Variants in AFG1L observed in about 807,000 individuals in gnomAD.
The protein encoded by AFG1L is AFG1-like ATPase.
AFG1L carries 53 observed loss-of-function variants against 62.2 expected under a neutral mutation model. That is an observed-to-expected ratio of 0.85 (90% CI 0.68 to 1.07). The LOEUF (loss-of-function observed/expected upper bound fraction) is 1.07, where lower values mean the gene tolerates loss of function less well. Ranked by LOEUF, AFG1L falls within the 50% of genes least tolerant of loss-of-function variation. The pLI, the probability that AFG1L is intolerant of heterozygous loss-of-function variation, is 0.00. For missense variants in AFG1L, 555 were observed against 590.5 expected, an observed-to-expected ratio of 0.94 and a Z score of 0.62; for synonymous variants, 228 against 210.3, an observed-to-expected ratio of 1.08 and a Z score of -0.73.
At chr6:108,517,752 C>T (rs918799968) in intron 11 of AFG1L, among the ~76,000 whole-genome samples, 1 of 152,166 alleles carries the variant, frequency 6.6e-6, no homozygotes, top group Non-Finnish European at 1.5e-5. Flanking sequence ...GCAATCTACT[C>T]ATCTGACAAA....
chr6:108,308,790 C>T (rs1177619956), intron 1 of AFG1L, among the ~76,000 whole-genome samples: 3 of 152,082 alleles, frequency 2.0e-5, no homozygotes, highest in East Asian at 3.9e-4. Context: ...TGCAGCCTCT[C>T]CACCTCCCAG....
intron 8 of AFG1L, among the ~76,000 whole-genome samples, chr6:108,465,659 GCT>G: frequency 5.1e-5 from 1 of 19,722 alleles, no homozygotes. Flanking sequence ...TAGAGTCACT[GCT>G]GCTGCTGCTG....
chr6:108,455,887 T>G (rs980075829), intron 8 of AFG1L, among the ~76,000 whole-genome samples: 1 of 152,186 alleles, frequency 6.6e-6, no homozygotes, highest in Non-Finnish European at 1.5e-5. Flanking sequence ...AAGTTTCTCA[T>G]GCACTTGATT....
intron 7 of AFG1L, 40 bp downstream of exon 7, chr6:108,402,094 C>G (rs1371427431): frequency 8.9e-6 from 9 of 1,008,624 alleles, no homozygotes; most frequent in Non-Finnish European, 1.3e-5. Context: ...TAAGATCATA[C>G]TTATTGATAA....
chr6:108,401,887 CCTTT>C, intron 6 of AFG1L, 105 bp from the exon 7 acceptor site: 1 of 550,954 alleles, frequency 1.8e-6, no homozygotes, highest in Non-Finnish European at 3.2e-6. Context: ...TCTTTTTGCT[CCTTT>C]ATCTTTTTTT....
intron 10 of AFG1L, among the ~76,000 whole-genome samples, chr6:108,508,383 C>G (rs111671295): frequency 0.024 from 3,720 of 152,306 alleles, 152 homozygotes; most frequent in African/African-American, 0.084. Context: ...CTTGTCTCAG[C>G]TAAGGCCAGG....
At chr6:108,367,891 C>T (rs1013277526) in intron 6 of AFG1L, among the ~76,000 whole-genome samples, 2 of 152,060 alleles carry the variant, frequency 1.3e-5, no homozygotes, top group African/African-American at 4.8e-5. Context: ...TTAACCATTG[C>T]AATTAGTAAC....
chr6:108,396,364 C>A (rs1395217535), intron 6 of AFG1L, among the ~76,000 whole-genome samples: 1 of 152,108 alleles, frequency 6.6e-6, no homozygotes, highest in South Asian at 2.1e-4. Flanking sequence ...TAAAAAACAT[C>A]TTCCTAAGGC....
At position 108,522,542 on chromosome 6, in the gene AFG1L, C is replaced by A; in HGVS notation, c.*117C>A. On this transcript the variant is annotated 3_prime_UTR_variant, in exon 13 of 13. Coordinates refer to ENST00000368977, the MANE Select transcript of AFG1L (RefSeq NM_145315.5). ...TTAATTATGCACTTTGTCCTCTGGA[C>A]CATTTTAATCTAAAATTGCTCTCAA... The A allele has an allele frequency of 1.8e-6, 2 of 1,119,600 alleles. No homozygotes were observed. The highest frequency in any genetic ancestry group is 2.4e-6 in the Non-Finnish European group (2 of 819,834). The allele number at this position is 1,119,600 out of a possible 1,614,324, so 69.4% of individuals were successfully genotyped here.
intron 10 of AFG1L, among the ~76,000 whole-genome samples, chr6:108,495,870 A>G (rs1248739972): frequency 6.6e-6 from 1 of 152,238 alleles, no homozygotes; most frequent in Non-Finnish European, 1.5e-5. Context: ...AAAATTATTC[A>G]GATAACCAGC....
chr6:108,514,973 T>C (rs1457908776), intron 11 of AFG1L, among the ~76,000 whole-genome samples: 3 of 152,184 alleles, frequency 2.0e-5, no homozygotes, highest in African/African-American at 7.2e-5. Context: ...ATGCACCCAA[T>C]ACAGGAGCAC....
At chr6:108,349,269 A>C (rs1353227453) in intron 3 of AFG1L, among the ~76,000 whole-genome samples, 1 of 152,028 alleles carries the variant, frequency 6.6e-6, no homozygotes, top group Non-Finnish European at 1.5e-5. Context: ...GGATTGCCTA[A>C]GCCCAGGAGT....
At chr6:108,487,949 G>A (rs1195657852) in intron 10 of AFG1L, among the ~76,000 whole-genome samples, 1 of 152,158 alleles carries the variant, frequency 6.6e-6, no homozygotes. Context: ...GAGCAGGAAT[G>A]TGGTACCTAG....
At chr6:108,326,160 T>C (rs1778034190) in intron 2 of AFG1L, among the ~76,000 whole-genome samples, 1 of 152,152 alleles carries the variant, frequency 6.6e-6, no homozygotes, top group Non-Finnish European at 1.5e-5. Context: ...AGCCTTGAAG[T>C]CCTGGGCCCA....
At chr6:108,325,226 C>T (rs914056378) in intron 2 of AFG1L, among the ~76,000 whole-genome samples, 2 of 152,162 alleles carry the variant, frequency 1.3e-5, no homozygotes, top group Non-Finnish European at 2.9e-5. Flanking sequence ...CTGGCAGCTG[C>T]TTGTGCATTT....
chr6:108,400,675 TATA>T (rs1007857024), intron 6 of AFG1L, among the ~76,000 whole-genome samples: 2 of 103,536 alleles, frequency 1.9e-5, no homozygotes, highest in Admixed American at 1.4e-4. Context: ...ATTTATATAT[TATA>T]TATTATATAA....
chr6:108,473,846 A>G (rs1482699411), intron 8 of AFG1L, among the ~76,000 whole-genome samples: 3 of 152,214 alleles, frequency 2.0e-5, no homozygotes, highest in African/African-American at 7.2e-5. Flanking sequence ...GGCGTGAGCC[A>G]CTATGCCCGG....
chr6:108,453,171 T>A (rs1196074316), intron 8 of AFG1L, among the ~76,000 whole-genome samples: 1 of 152,226 alleles, frequency 6.6e-6, no homozygotes, highest in Non-Finnish European at 1.5e-5. Flanking sequence ...ATTGTTCAGT[T>A]GCTTAAAACT....
rs1778292207 is a variant in AFG1L, at chr6:108,331,950, G to A, written c.363+7902G>A. 2.0e-5 allele frequency among the ~76,000 whole-genome samples: 3 copies of A among 152,184 alleles called. No individual in the cohort carries two copies. In the South Asian group the frequency reaches 6.2e-4, roughly 32 times the overall value. The stretch of plus-strand genomic sequence containing the variant: ...CCTGCCCTCTACCAGATAATTTTCA[G>A]TTTTTCCCTAATGAGAACTTATTTC... On this transcript the variant is annotated intron_variant, in intron 2 of 12. Coordinates refer to ENST00000368977, the MANE Select transcript of AFG1L (RefSeq NM_145315.5).
Sources: allele counts gnomAD v4.1 joint callset (sites outside exome capture counted in the v4.1 genomes callset), GRCh38; gene constraint gnomAD v4.1.1; transcripts MANE v1.5; gene names NCBI Gene and HGNC (gene_info 2026-07-23, HGNC 2026-07-21).